Variants in OSBPL1A observed in about 807,000 individuals in gnomAD.
OSBPL1A encodes the protein oxysterol binding protein like 1A, also known as oxysterol-binding protein-related protein 1.
Under a neutral mutation model 137.1 loss-of-function variants are expected in OSBPL1A, and 80 were observed. The observed-to-expected ratio is 0.58, with a 90% CI of 0.49 to 0.70. The LOEUF is 0.70. Among genes scored for constraint, OSBPL1A ranks in the 30% least tolerant of loss-of-function variants. OSBPL1A has a pLI of 0.00. For synonymous variants in OSBPL1A, 365 were observed against 389.7 expected, an observed-to-expected ratio of 0.94 and a Z score of 0.75; for missense variants, 970 against 1,129.4, an observed-to-expected ratio of 0.86 and a Z score of 2.02.
intron 17 of OSBPL1A, among the ~76,000 whole-genome samples, chr18:24,198,231 T>C (rs528085897): frequency 2.0e-5 from 3 of 152,300 alleles, no homozygotes; most frequent in Non-Finnish European, 4.4e-5. Context: ...ATAGACCGTG[T>C]GCTACCATTC....
chr18:24,181,395 A>C, intron 18 of OSBPL1A, 116 bp from the exon 19 acceptor site: 1 of 1,120,258 alleles, frequency 8.9e-7, no homozygotes, highest in Non-Finnish European at 1.2e-6. Context: ...CAACCCATGA[A>C]ATTTCATCAA....
rs1476151245 is a variant in OSBPL1A, at chr18:24,314,326, G to A, written c.892C>T (p.Leu298Phe). Residue 298 changes from leucine (L) to phenylalanine (F), a missense_variant, in exon 12 of 28, where the codon CTC (leucine) becomes TTC (phenylalanine). By Grantham distance (22) the Leu-to-Phe change is conservative. Around this residue, in one of 2 missense-constraint regions of OSBPL1A, gnomAD observed 647 missense variants for 672.6 expected, o/e 0.96. Transcript: ENST00000319481. ...VCTVKSTDSC[L>F]FFIKCFDDTI... ...TCATCAAAGCATTTAATAAAGAAGA[G>A]GCAGCTATCAGTGGATTTTACCTTG... is the stretch of plus-strand genomic sequence containing the variant. The A allele has an allele frequency of 6.2e-7, 1 of 1,609,050 alleles. No individual in the cohort carries two copies. The highest frequency in any genetic ancestry group is 1.3e-5 in the African/African-American group (1 of 74,702).
intron 13 of OSBPL1A, among the ~76,000 whole-genome samples, chr18:24,311,753 G>A (rs1343522823): frequency 1.3e-5 from 2 of 152,188 alleles, no homozygotes; most frequent in Admixed American, 1.3e-4. Context: ...AAAAAGTACA[G>A]TGCCTTTAAG....
chr18:24,186,517 G>T (rs904432448), intron 18 of OSBPL1A, among the ~76,000 whole-genome samples: 2 of 151,996 alleles, frequency 1.3e-5, no homozygotes, highest in Non-Finnish European at 2.9e-5. Context: ...AGGAGTTGGG[G>T]GCATATGGAA....
chr18:24,218,759 A>G (rs1438386406), intron 17 of OSBPL1A, among the ~76,000 whole-genome samples: 2 of 151,942 alleles, frequency 1.3e-5, no homozygotes, highest in Non-Finnish European at 2.9e-5. Context: ...CATGGTGACT[A>G]TAGTTACTAA....
chr18:24,351,066 G>T (rs2091429380), intron 4 of OSBPL1A, among the ~76,000 whole-genome samples: 1 of 152,082 alleles, frequency 6.6e-6, no homozygotes, highest in Non-Finnish European at 1.5e-5. Context: ...TAAAAAATCA[G>T]GCTGGGCACG....
intron 1 of OSBPL1A, among the ~76,000 whole-genome samples, chr18:24,377,791 T>C (rs1032087786): frequency 5.3e-5 from 8 of 152,222 alleles, no homozygotes; most frequent in African/African-American, 1.9e-4. Context: ...ATCTGCAGAA[T>C]ACAACCAACC....
chr18:24,348,891 G>A (rs1568044104), intron 4 of OSBPL1A, among the ~76,000 whole-genome samples: 1 of 152,194 alleles, frequency 6.6e-6, no homozygotes, highest in Non-Finnish European at 1.5e-5. Context: ...CTCATGGTCA[G>A]GTGCGGTGGC....
rs668364 is a variant in OSBPL1A at position 24,379,708 on chromosome 18, A to T, written c.-2-2173T>A. 4.3e-3 allele frequency among the ~76,000 whole-genome samples: 623 copies of T among 143,794 alleles called. 1 individual carries two copies. Among genetic ancestry groups the T allele is most frequent in the Middle Eastern group, 0.011 (3 of 278 alleles). 94.3% of individuals were successfully genotyped at this position (143,794 alleles called of 152,430 possible). ...GTGAAACCTCATCTCTACTAAAAAT[A>T]AAAAAAAAAAATTTAGCCAGGTGTG... On this transcript the variant is annotated intron_variant, in intron 1 of 27. Coordinates refer to ENST00000319481, the MANE Select transcript of OSBPL1A (RefSeq NM_080597.4).
intron 1 of OSBPL1A, among the ~76,000 whole-genome samples, chr18:24,390,944 A>G (rs975609275): frequency 1.3e-5 from 2 of 151,832 alleles, no homozygotes; most frequent in African/African-American, 4.8e-5. Flanking sequence ...TACTAAAAAC[A>G]CAAAAATTAG....
chr18:24,162,628 TTTC>T lies in OSBPL1A; in HGVS notation c.*548_*550del, dbSNP rs1287786033. 3 of 152,248 alleles carry T rather than the reference TTTC, an allele frequency of 2.0e-5. No homozygotes were observed. Among genetic ancestry groups the T allele is most frequent in the African/African-American group, 4.8e-5 (2 of 41,462 alleles). The allele number at this position is 152,248 out of a possible 1,614,324, so 9.4% of individuals were successfully genotyped here. ...CTATTCTGAATATTCAGGCATTTTT[TTTC>T]TTCTTGGAAGATGGAAGGGGTAACA... On this transcript the variant is annotated 3_prime_UTR_variant, in exon 28 of 28. Coordinates refer to ENST00000319481, the MANE Select transcript of OSBPL1A (RefSeq NM_080597.4).
intron 15 of OSBPL1A, among the ~76,000 whole-genome samples, chr18:24,242,524 C>T (rs2088735452): frequency 6.6e-6 from 1 of 152,078 alleles, no homozygotes; most frequent in African/African-American, 2.4e-5. Context: ...TCCCCACAGC[C>T]CCCAAGGATG....
intron 16 of OSBPL1A, among the ~76,000 whole-genome samples, chr18:24,234,536 C>T (rs148830212): frequency 6.6e-6 from 1 of 152,252 alleles, no homozygotes; most frequent in East Asian, 1.9e-4. Flanking sequence ...GGGGGGACGC[C>T]AGGGGGCTGG....
intron 5 of OSBPL1A, 31 bp from the exon 6 acceptor site, chr18:24,334,361 C>G: frequency 2.0e-6 from 3 of 1,521,940 alleles, no homozygotes; most frequent in Non-Finnish European, 2.7e-6. Flanking sequence ...TTATCCACTG[C>G]TAGTCAGGAT....
intron 15 of OSBPL1A, among the ~76,000 whole-genome samples, chr18:24,253,145 A>T (rs112636980): frequency 0.038 from 4,505 of 118,756 alleles, 273 homozygotes; most frequent in African/African-American, 0.13. Flanking sequence ...AATGGACTAA[A>T]CTCTCCAATG....
rs2088028244 is a variant in OSBPL1A at position 24,225,085 on chromosome 18, A to T, written c.1558T>A (p.Cys520Ser). 1.2e-6 allele frequency: 2 copies of T among 1,614,176 alleles called. No individual in the cohort carries two copies. The highest frequency in any genetic ancestry group is 1.7e-6 in the Non-Finnish European group (2 of 1,180,006). The change falls in exon 17 of 28, where the codon TGT (cysteine) becomes AGT (serine). Residue 520 changes from cysteine to serine, a missense_variant. Coordinates refer to ENST00000319481, the MANE Select transcript of OSBPL1A (RefSeq NM_080597.4). Reference protein sequence around the residue: ...RKHRMSEEKDCGGGDALSNGI... With the variant: ...RKHRMSEEKDSGGGDALSNGI... ...TTGGAGAGAGCATCTCCGCCACCAC[A>T]GTCTTTTTCTTCGGACATTCTGTGT...
intron 14 of OSBPL1A, among the ~76,000 whole-genome samples, chr18:24,284,982 CA>C (rs1402574439): frequency 2.0e-5 from 3 of 152,178 alleles, no homozygotes; most frequent in African/African-American, 7.2e-5. Context: ...GCAGGAGGAT[CA>C]CTTGAGTTCA....
intron 2 of OSBPL1A, among the ~76,000 whole-genome samples, chr18:24,373,674 T>C (rs186534401): frequency 6.6e-6 from 1 of 152,198 alleles, no homozygotes; most frequent in African/African-American, 2.4e-5. Context: ...TAACCTTTAA[T>C]TCTTGCAGGA....
At chr18:24,346,798 G>A (rs2091353237) in intron 4 of OSBPL1A, among the ~76,000 whole-genome samples, 2 of 152,108 alleles carry the variant, frequency 1.3e-5, no homozygotes, top group Non-Finnish European at 1.5e-5. Context: ...CTGGAGTGTA[G>A]TGGCATGATC....
Sources: allele counts gnomAD v4.1 joint callset (sites outside exome capture counted in the v4.1 genomes callset), GRCh38; gene constraint gnomAD v4.1.1; regional missense constraint gnomAD v4.1.1; transcripts MANE v1.5; gene names NCBI Gene and HGNC (gene_info 2026-07-23, HGNC 2026-07-21).